CD163L1: variants seen among roughly 807,000 people sequenced by gnomAD.
The protein encoded by CD163L1 is CD163 molecule like 1, also known as scavenger receptor cysteine-rich type 1 protein M160.
A neutral mutation model predicts 165.4 loss-of-function variants in CD163L1; 124 were observed. The observed-to-expected ratio is 0.75, with a 90% confidence interval of 0.65 to 0.87. CD163L1 has a LOEUF of 0.87. Ranked by LOEUF, CD163L1 falls within the 40% of genes least tolerant of loss-of-function variation. The pLI is 0.00. For synonymous variants in CD163L1, 585 were observed against 662.2 expected (o/e 0.88, Z 1.79); for missense variants, 1,525 against 1,799.9 (o/e 0.85, Z 2.76).
intron 8 of CD163L1, among the ~76,000 whole-genome samples, chr12:7,391,772 T>A (rs1947659734): frequency 6.6e-6 from 1 of 152,154 alleles, no homozygotes; most frequent in Non-Finnish European, 1.5e-5. Flanking sequence ...GGGGTTGTAA[T>A]CCTAGTCTCT....
chr12:7,409,423 C>G (rs74056478), intron 4 of CD163L1, among the ~76,000 whole-genome samples: 11,408 of 152,054 alleles, frequency 0.075, 456 homozygotes, highest in African/African-American at 0.11. Flanking sequence ...GAGGGGACAG[C>G]GATGGTTTCA....
downstream of CD163L1, among the ~76,000 whole-genome samples, chr12:7,344,632 C>A (rs1400267512): frequency 3.3e-5 from 5 of 152,220 alleles, no homozygotes; most frequent in Non-Finnish European, 7.3e-5. Flanking sequence ...TCCAATCCCA[C>A]ATTTCCCCTT....
rs774175590 is a variant in CD163L1 at position 7,374,558 on chromosome 12, A to G, written c.3293T>C (p.Ile1098Thr). ...TGTGCAGTTCAGGTCATCCAGCCAG[A>G]TGGGCCCTGACCCCTCCCCAAAGTG... The part of the protein sequence containing the change: ...SAHFGEGSGP[I>T]WLDDLNCTGM... The change falls in exon 13 of 20, where the codon ATC (isoleucine) becomes ACC (threonine). Residue 1098 changes from isoleucine to threonine, a missense_variant. By Grantham distance (89) the Ile-to-Thr change is moderately conservative (BLOSUM62 -1). Transcript: ENST00000313599. The surrounding 1 kb of genome is among the most constrained non-coding windows in gnomAD (Gnocchi z 5.4). The G allele has an allele frequency of 1.9e-6, 3 of 1,614,216 alleles. No homozygotes were observed. The highest frequency in any genetic ancestry group is 2.5e-6 in the Non-Finnish European group (3 of 1,180,036).
chr12:7,370,872 T>C (rs984211709), intron 14 of CD163L1, among the ~76,000 whole-genome samples: 5 of 152,058 alleles, frequency 3.3e-5, no homozygotes, highest in African/African-American at 1.2e-4. Flanking sequence ...CAGAGTATGG[T>C]TTTTAATCCT....
At chr12:7,439,451 C>A (rs1394952704) in intron 2 of CD163L1, 1 of 1,585,492 alleles carries the variant, frequency 6.3e-7, no homozygotes, top group African/African-American at 1.4e-5. Context: ...TTGGACTTGT[C>A]TTTTAGCTTC....
chr12:7,344,846 A>G (rs2136358713), downstream of CD163L1, among the ~76,000 whole-genome samples: 1 of 152,346 alleles, frequency 6.6e-6, no homozygotes, highest in South Asian at 2.1e-4. Context: ...TGCTGCTACA[A>G]CTGTATCTGG....
chr12:7,430,645 T>C (rs908097890), intron 4 of CD163L1, among the ~76,000 whole-genome samples: 5 of 152,164 alleles, frequency 3.3e-5, no homozygotes, highest in Non-Finnish European at 5.9e-5. Flanking sequence ...TAAAATGTTA[T>C]TAACACATGA....
At chr12:7,419,106 A>G (rs1372553720) in intron 4 of CD163L1, among the ~76,000 whole-genome samples, 1 of 152,114 alleles carries the variant, frequency 6.6e-6, no homozygotes, top group Non-Finnish European at 1.5e-5. Flanking sequence ...AGATGCAAAA[A>G]TCCTTAACAA....
chr12:7,319,218 C>T, the CD163L1 span, among the ~76,000 whole-genome samples: 1 of 152,062 alleles, frequency 6.6e-6, no homozygotes, highest in Non-Finnish European at 1.5e-5. Context: ...ATGCACAGTT[C>T]ACAATAGGGT....
chr12:7,371,804 T>G (rs1166755599), intron 14 of CD163L1, among the ~76,000 whole-genome samples: 1 of 151,912 alleles, frequency 6.6e-6, no homozygotes, highest in African/African-American at 2.4e-5. Flanking sequence ...TGCTTTAGCT[T>G]GAGAAAATAT....
intron 4 of CD163L1, among the ~76,000 whole-genome samples, chr12:7,420,943 G>A (rs755874691): frequency 1.4e-5 from 2 of 146,554 alleles, no homozygotes; most frequent in Non-Finnish European, 3.0e-5. Flanking sequence ...CATGGCAACA[G>A]CCCAAATGCC....
At chr12:7,326,065 A>G in the CD163L1 span, among the ~76,000 whole-genome samples, 1 of 152,238 alleles carries the variant, frequency 6.6e-6, no homozygotes, top group African/African-American at 2.4e-5. Context: ...TGAACAATAA[A>G]TAATATAAAT....
At chr12:7,379,409 G>T (rs1213530536) in intron 8 of CD163L1, 111 bp from the exon 9 acceptor site, 45 of 1,055,512 alleles carry the variant, frequency 4.3e-5, no homozygotes, top group Non-Finnish European at 5.7e-5. Flanking sequence ...TTGAGAGATT[G>T]TTTAGGTCCC....
At chr12:7,395,261 G>A (rs1182229435) in intron 8 of CD163L1, among the ~76,000 whole-genome samples, 3 of 152,154 alleles carry the variant, frequency 2.0e-5, no homozygotes, top group Non-Finnish European at 4.4e-5. Context: ...ATACTATGCA[G>A]CCATAAAAAA....
At position 7,373,598 on chromosome 12, in the gene CD163L1, C is replaced by A. The variant is rs772252828; in HGVS notation, c.3452G>T (p.Ser1151Ile). 6.2e-7 allele frequency: 1 copy of A among 1,611,930 alleles called. No individual in the cohort carries two copies. The highest frequency in any genetic ancestry group is 2.2e-5 in the East Asian group (1 of 44,834). Residue 1151 changes from serine to isoleucine, a missense_variant, in exon 14 of 20, where the codon AGC becomes ATC. Transcript: ENST00000313599. ...GAAGACTTCCAATCTCCCAGCACAG[C>A]TCTCTGTTTCAGTTTCACTGTAGAG... ...LRLYSETETE[S>I]CAGRLEVFYN...
chr12:7,431,423 C>T (rs1238634963), intron 4 of CD163L1, among the ~76,000 whole-genome samples: 4 of 106,052 alleles, frequency 3.8e-5, no homozygotes, highest in African/African-American at 2.7e-4. Flanking sequence ...AATGAGACTC[C>T]ATCCAAAAAA....
At chr12:7,363,404 T>A (rs1181658684) in intron 18 of CD163L1, among the ~76,000 whole-genome samples, 2 of 151,232 alleles carry the variant, frequency 1.3e-5, no homozygotes, top group Admixed American at 1.3e-4. Flanking sequence ...AACCCCAAAT[T>A]AGTAGATAAA....
chr12:7,357,463 C>T lies in CD163L1; in HGVS notation c.4303G>A (p.Glu1435Lys), dbSNP rs1408689949. 3 of 1,612,596 alleles carry T rather than the reference C, an allele frequency of 1.9e-6. No individual in the cohort carries two copies. Among genetic ancestry groups the T allele is most frequent in the African/African-American group, 2.7e-5 (2 of 74,860 alleles). ...AACAGCGATGTGTCGCTAGCATCTT[C>T]ACAACCATGGTTGGGGGTGTCATCT... ...TSDDTPNHGCEDASDTSLLGV... is the reference protein window; with the variant it reads ...TSDDTPNHGCKDASDTSLLGV... The change falls in exon 19 of 20, where the codon GAA becomes AAA. Residue 1435 changes from glutamate to lysine, a missense_variant. Transcript: ENST00000313599.
chr12:7,432,450 G>A lies in CD163L1; in HGVS notation c.732C>T (p.Cys244=), dbSNP rs201639541. 5.4e-5 allele frequency: 87 copies of A among 1,613,636 alleles called. No individual in the cohort carries two copies. The highest frequency in any genetic ancestry group is 7.2e-5 in the Non-Finnish European group (85 of 1,179,666). The change falls in exon 4 of 20, where the codon TGC becomes TGT. Residue 244 remains cysteine (C), a synonymous_variant. Coordinates refer to ENST00000313599, the MANE Select transcript of CD163L1 (RefSeq NM_174941.6). The surrounding 1 kb of genome is among the most constrained non-coding windows in gnomAD (Gnocchi z 4.2). ...CRHRGWGNHD[C]SHNEDVTLTC... is the part of the protein sequence containing the mutation. ...TTAATGTGACATCCTCATTGTGACT[G>A]CAGTCATGATTTCCCCATCCACGAT...
Sources: allele counts gnomAD v4.1 joint callset (sites outside exome capture counted in the v4.1 genomes callset), GRCh38; gene constraint gnomAD v4.1.1; non-coding constraint Gnocchi (gnomAD v3.1); transcripts MANE v1.5; gene names NCBI Gene and HGNC (gene_info 2026-07-23, HGNC 2026-07-21).